CDH4: variants seen among roughly 807,000 people sequenced by gnomAD.
CDH4 encodes cadherin 4, also known as cadherin-4.
In CDH4, 33 loss-of-function variants were observed where a neutral mutation model predicts 86.0. The ratio of observed to expected loss-of-function variants is 0.38; its 90% CI spans 0.29 to 0.51. The LOEUF (loss-of-function observed/expected upper bound fraction) is 0.51. CDH4 is among the 20% of genes least tolerant of loss of function. The pLI is 0.86. For synonymous variants in CDH4, 555 were observed against 549.4 expected (o/e 1.01, Z -0.14); for missense variants, 1,114 against 1,307.4 (o/e 0.85, Z 2.28).
chr20:61,686,437 G>GTA (rs2087574958), intron 2 of CDH4, among the ~76,000 whole-genome samples: 1 of 148,694 alleles, frequency 6.7e-6, no homozygotes. Context: ...GTGTATGTGC[G>GTA]TGTGCGTGTG....
intron 2 of CDH4, chr20:61,719,217 T>C (rs1196786117): frequency 4.7e-6 from 2 of 425,112 alleles, no homozygotes; most frequent in African/African-American, 2.1e-5. Context: ...TTGGTAGTTT[T>C]TGTTCATTGC....
At chr20:61,547,828 C>T (rs193196388) in intron 2 of CDH4, among the ~76,000 whole-genome samples, 2 of 152,346 alleles carry the variant, frequency 1.3e-5, no homozygotes, top group East Asian at 3.9e-4. Flanking sequence ...CATGCCTGCA[C>T]ATACACGCAC....
Position 61,939,971 on chromosome 20 carries a change from C to G in CDH4, c.*3028C>G, listed in dbSNP as rs1187108778. ...AACTGTCAGGCTCTCAGAGATGCCT[C>G]AGTTTCCCTAGCATGAGCACCAGCC... On this transcript the variant is annotated 3_prime_UTR_variant, in exon 16 of 16. Coordinates refer to ENST00000614565, the MANE Select transcript of CDH4 (RefSeq NM_001794.5). The G allele has an allele frequency of 6.6e-6, 1 of 152,242 alleles. No homozygotes were observed. Among genetic ancestry groups the G allele is most frequent in the African/African-American group, 2.4e-5 (1 of 41,464 alleles). The allele number at this position is 152,242 out of a possible 1,614,324, so 9.4% of individuals were successfully genotyped here.
At chr20:61,695,387 A>T (rs2087705308) in intron 2 of CDH4, among the ~76,000 whole-genome samples, 1 of 152,098 alleles carries the variant, frequency 6.6e-6, no homozygotes, top group Non-Finnish European at 1.5e-5. Context: ...AACTCACACC[A>T]TCAGACCCGA....
chr20:61,559,705 G>C (rs545371837), intron 2 of CDH4, among the ~76,000 whole-genome samples: 5 of 151,796 alleles, frequency 3.3e-5, no homozygotes, highest in South Asian at 2.1e-4. Flanking sequence ...TTTTAGTAGA[G>C]ACAGGGTCTC....
intron 2 of CDH4, among the ~76,000 whole-genome samples, chr20:61,486,355 C>T (rs953318085): frequency 5.3e-5 from 8 of 152,198 alleles, no homozygotes; most frequent in Admixed American, 1.3e-4. Flanking sequence ...TGGTAGCATT[C>T]ACACATGGAC....
At chr20:61,651,941 G>A (rs2087125999) in intron 2 of CDH4, among the ~76,000 whole-genome samples, 1 of 152,234 alleles carries the variant, frequency 6.6e-6, no homozygotes, top group Non-Finnish European at 1.5e-5. Flanking sequence ...TCCTGCTACT[G>A]AGGCAATAGA....
At chr20:61,785,309 C>T (rs1568814941) in intron 4 of CDH4, among the ~76,000 whole-genome samples, 1 of 152,204 alleles carries the variant, frequency 6.6e-6, no homozygotes, top group Non-Finnish European at 1.5e-5. Context: ...CCGCTTCCTC[C>T]TGCTGGGCTG....
rs774112101 is a variant in CDH4, at chr20:61,811,007, A to G, written c.577-33661A>G. On this transcript the variant is annotated intron_variant, in intron 4 of 15. Transcript: ENST00000614565. This position sits in a 1 kb window ranked among gnomAD's most constrained non-coding sequence, Gnocchi z 4.4. ...GAGCTAGAAAGGAATCAGTCAAACGAACTCATGGCTCTTCATCCCCTGCAA... is the reference window on the plus strand; with the variant it reads ...GAGCTAGAAAGGAATCAGTCAAACGGACTCATGGCTCTTCATCCCCTGCAA... 8.5e-5 allele frequency among the ~76,000 whole-genome samples: 13 copies of G among 152,188 alleles called. No individual in the cohort carries two copies. Among genetic ancestry groups the G allele is most frequent in the Non-Finnish European group, 1.9e-4 (13 of 68,040 alleles).
At chr20:61,342,824 C>T (rs1216011581) in intron 2 of CDH4, among the ~76,000 whole-genome samples, 1 of 152,232 alleles carries the variant, frequency 6.6e-6, no homozygotes, top group Non-Finnish European at 1.5e-5. Flanking sequence ...GCCCAGGGGG[C>T]AGCAGATTAA....
intron 7 of CDH4, among the ~76,000 whole-genome samples, chr20:61,882,762 G>GCGGAAGGGCTGGATATTCC (rs1256094085): frequency 6.6e-6 from 1 of 152,214 alleles, no homozygotes; most frequent in Non-Finnish European, 1.5e-5. Context: ...GAACGTGTCT[G>GCGGAAGGGCTGGATATTCC]CGGAAGGGCT....
intron 2 of CDH4, among the ~76,000 whole-genome samples, chr20:61,381,008 A>G (rs1158534429): frequency 2.6e-5 from 4 of 152,232 alleles, no homozygotes; most frequent in Non-Finnish European, 4.4e-5. Flanking sequence ...GCAGCGTGAC[A>G]TAGTCCCTGT....
chr20:61,485,329 ACAGCACCACACTCTCTCCAAGAAC>A (rs1209765201), intron 2 of CDH4, among the ~76,000 whole-genome samples: 2 of 152,184 alleles, frequency 1.3e-5, no homozygotes, highest in African/African-American at 2.4e-5. Flanking sequence ...ATTGTGGATC[ACAGCACCACACTCTCTCCAAGAAC>A]ATTCCCTATT....
rs1021567523 is a variant in CDH4 at position 61,902,761 on chromosome 20, C to T, written c.1189-7661C>T. On this transcript the variant is annotated intron_variant, in intron 8 of 15. Coordinates refer to ENST00000614565, the MANE Select transcript of CDH4 (RefSeq NM_001794.5). This position sits in a 1 kb window ranked among gnomAD's most constrained non-coding sequence, Gnocchi z 4.6. ...TATAGCAAAGAGGCTACATAGGTGTCGTTTTGGGAATATTTGAAGGAGGAA... is the reference window on the plus strand; with the variant it reads ...TATAGCAAAGAGGCTACATAGGTGTTGTTTTGGGAATATTTGAAGGAGGAA... 1.3e-5 allele frequency among the ~76,000 whole-genome samples: 2 copies of T among 152,260 alleles called. No homozygotes were observed. Among genetic ancestry groups the T allele is most frequent in the South Asian group, 2.1e-4 (1 of 4,826 alleles).
chr20:61,589,283 T>A (rs1321908039), intron 2 of CDH4, among the ~76,000 whole-genome samples: 4 of 152,224 alleles, frequency 2.6e-5, no homozygotes, highest in Non-Finnish European at 5.9e-5. Flanking sequence ...GAGGCTTCCT[T>A]CTGTCTAAGC....
Position 61,676,654 on chromosome 20 carries a change from C to T in CDH4, c.170-66909C>T, listed in dbSNP as rs1469487525. Among the ~76,000 whole-genome samples, 1 of 152,174 alleles carries T rather than the reference C, an allele frequency of 6.6e-6. No homozygotes were observed. Among genetic ancestry groups the T allele is most frequent in the African/African-American group, 2.4e-5 (1 of 41,428 alleles). Reference sequence around the variant, plus strand: ...ATTCTCTCAATTCTCTGCACATGCCCTCAACAAACAAACTCAATCCCACAC... The same window carrying T: ...ATTCTCTCAATTCTCTGCACATGCCTTCAACAAACAAACTCAATCCCACAC... On this transcript the variant is annotated intron_variant, in intron 2 of 15. Coordinates refer to ENST00000614565, the MANE Select transcript of CDH4 (RefSeq NM_001794.5). This position sits in a 1 kb window ranked among gnomAD's most constrained non-coding sequence, Gnocchi z 4.5.
In CDH4 at chr20:61,510,655, T is replaced by C. The variant is rs2085772921; in HGVS notation, c.170-232908T>C. Among the ~76,000 whole-genome samples the C allele has an allele frequency of 6.6e-6, 1 of 152,064 alleles. No homozygotes were observed. Among genetic ancestry groups the C allele is most frequent in the Non-Finnish European group, 1.5e-5 (1 of 68,012 alleles). ...GGGATTACTTGGGGGATTGCGTTGC[T>C]GGGGAATTACTTGCTTGGGGGATTA... On this transcript the variant is annotated intron_variant, in intron 2 of 15. Transcript: ENST00000614565. This position sits in a 1 kb window ranked among gnomAD's most constrained non-coding sequence, Gnocchi z 4.2.
intron 2 of CDH4, among the ~76,000 whole-genome samples, chr20:61,398,908 C>T (rs2085033738): frequency 6.6e-6 from 1 of 152,190 alleles, no homozygotes; most frequent in African/African-American, 2.4e-5. Flanking sequence ...CAGCCCAGTC[C>T]TGTAGGCCCT....
chr20:61,920,189 CGTG>C (rs1177080114), intron 9 of CDH4, among the ~76,000 whole-genome samples: 14 of 139,820 alleles, frequency 1.0e-4, no homozygotes, highest in East Asian at 6.7e-4. Context: ...TGCGTGGAAG[CGTG>C]GTGTCATGGT....
Sources: allele counts gnomAD v4.1 joint callset (sites outside exome capture counted in the v4.1 genomes callset), GRCh38; gene constraint gnomAD v4.1.1; non-coding constraint Gnocchi (gnomAD v3.1); transcripts MANE v1.5; gene names NCBI Gene and HGNC (gene_info 2026-07-23, HGNC 2026-07-21).